The following IMMP2L variants were observed in gnomAD, a reference collection of about 807,000 sequenced individuals.
The protein encoded by IMMP2L is inner mitochondrial membrane peptidase subunit 2.
In IMMP2L, 18 loss-of-function variants were observed where a neutral mutation model predicts 19.3. The observed-to-expected ratio is 0.93, with a 90% CI of 0.64 to 1.38. The LOEUF is 1.38. Among genes scored for constraint, IMMP2L ranks in the 40% most tolerant of loss-of-function variants. The pLI, the probability that IMMP2L is intolerant of heterozygous loss-of-function variation, is 0.00. For synonymous variants in IMMP2L, 76 were observed against 73.0 expected (o/e 1.04, Z -0.21); for missense variants, 233 against 218.2 (o/e 1.07, Z -0.43).
intron 3 of IMMP2L, among the ~76,000 whole-genome samples, chr7:111,128,290 TTTTC>T (rs1801511054): frequency 6.6e-6 from 1 of 152,210 alleles, no homozygotes; most frequent in Non-Finnish European, 1.5e-5. Context: ...TTCTGGTTTA[TTTTC>T]TTTATCAGTG....
At chr7:111,327,110 T>C (rs1825398608) in intron 3 of IMMP2L, among the ~76,000 whole-genome samples, 1 of 151,744 alleles carries the variant, frequency 6.6e-6, no homozygotes, top group Non-Finnish European at 1.5e-5. Flanking sequence ...TGGAAAACAC[T>C]GTGCTACATG....
chr7:111,104,750 G>A (rs1798356708), intron 3 of IMMP2L, among the ~76,000 whole-genome samples: 1 of 151,804 alleles, frequency 6.6e-6, no homozygotes, highest in Non-Finnish European at 1.5e-5. Flanking sequence ...TTCACAATAA[G>A]CTGTAAGCTA....
intron 5 of IMMP2L, among the ~76,000 whole-genome samples, chr7:110,842,075 T>C (rs566739799): frequency 6.6e-6 from 1 of 152,220 alleles, no homozygotes; most frequent in Admixed American, 6.5e-5. Context: ...AATATTCTTA[T>C]CAATCTCAAG....
At chr7:110,834,759 A>G (rs1473597040) in intron 5 of IMMP2L, among the ~76,000 whole-genome samples, 1 of 152,190 alleles carries the variant, frequency 6.6e-6, no homozygotes, top group African/African-American at 2.4e-5. Context: ...TGACTTTTCT[A>G]CAAAGAGAAT....
chr7:111,068,349 T>G (rs62464055), intron 3 of IMMP2L, among the ~76,000 whole-genome samples: 11,825 of 152,232 alleles, frequency 0.078, 599 homozygotes, highest in Non-Finnish European at 0.11. Flanking sequence ...AAATATATTT[T>G]GTATAGAATA....
chr7:110,823,207 T>C (rs1286371339), intron 5 of IMMP2L, among the ~76,000 whole-genome samples: 1 of 152,104 alleles, frequency 6.6e-6, no homozygotes, highest in Non-Finnish European at 1.5e-5. Flanking sequence ...TTATTCAAAT[T>C]GAATTGACTT....
chr7:111,139,164 A>G (rs1320316354), intron 3 of IMMP2L, among the ~76,000 whole-genome samples: 1 of 152,092 alleles, frequency 6.6e-6, no homozygotes, highest in Non-Finnish European at 1.5e-5. Flanking sequence ...CCCTATTTAC[A>G]TTGTACAATG....
At chr7:111,413,923 A>C (rs1438373030) in intron 3 of IMMP2L, among the ~76,000 whole-genome samples, 1 of 151,748 alleles carries the variant, frequency 6.6e-6, no homozygotes. Flanking sequence ...TCAGCATCAC[A>C]AAGATACCCA....
intron 3 of IMMP2L, among the ~76,000 whole-genome samples, chr7:111,266,505 T>G: frequency 6.8e-6 from 1 of 148,028 alleles, no homozygotes; most frequent in East Asian, 2.0e-4. Context: ...ATCGCACTAT[T>G]GCACTCCAGC....
At chr7:110,881,841 A>G (rs1809674079) in intron 5 of IMMP2L, among the ~76,000 whole-genome samples, 1 of 152,222 alleles carries the variant, frequency 6.6e-6, no homozygotes, top group Admixed American at 6.5e-5. Context: ...CAAAACATAC[A>G]GCATCTAGAG....
At chr7:110,919,851 C>T (rs1563081299) in intron 4 of IMMP2L, among the ~76,000 whole-genome samples, 2 of 152,044 alleles carry the variant, frequency 1.3e-5, no homozygotes, top group Non-Finnish European at 2.9e-5. Context: ...ACAATTGAGT[C>T]GGTGGACTGG....
intron 3 of IMMP2L, 84 bp from the exon 4 acceptor site, chr7:110,963,649 C>A: frequency 1.3e-6 from 1 of 795,062 alleles, no homozygotes; most frequent in Admixed American, 2.7e-5. Context: ...ACAAAATAGG[C>A]TATATTAAAG....
intron 3 of IMMP2L, among the ~76,000 whole-genome samples, chr7:111,047,168 CTTTTTTGTTT>C (rs1436718732): frequency 1.0e-4 from 2 of 19,272 alleles, no homozygotes; most frequent in African/African-American, 1.7e-4. Context: ...TTCAAAATGT[CTTTTTTGTTT>C]TTTTTTTGTT....
chr7:111,173,691 C>T (rs1806707451), intron 3 of IMMP2L, among the ~76,000 whole-genome samples: 2 of 151,608 alleles, frequency 1.3e-5, no homozygotes, highest in Admixed American at 6.6e-5. Flanking sequence ...CCTAGTAAAA[C>T]AGCAGATATA....
intron 3 of IMMP2L, among the ~76,000 whole-genome samples, chr7:111,446,381 T>G (rs894781476): frequency 1.2e-4 from 18 of 146,474 alleles, no homozygotes; most frequent in Admixed American, 1.1e-3. Flanking sequence ...GACTGCCTCC[T>G]CAAGTGGGTC....
intron 3 of IMMP2L, among the ~76,000 whole-genome samples, chr7:111,430,584 C>G (rs937097988): frequency 8.1e-5 from 12 of 148,680 alleles, no homozygotes; most frequent in African/African-American, 2.7e-4. Flanking sequence ...AACCAAAATC[C>G]TTACTTAATT....
intron 5 of IMMP2L, among the ~76,000 whole-genome samples, chr7:110,794,918 C>T (rs1307724513): frequency 2.0e-5 from 3 of 151,672 alleles, no homozygotes; most frequent in African/African-American, 7.3e-5. Flanking sequence ...ACAAAGAATA[C>T]CTAAATGACT....
At chr7:111,124,714 T>A in intron 3 of IMMP2L, 1 of 1,613,956 alleles carries the variant, frequency 6.2e-7, no homozygotes, top group Non-Finnish European at 8.5e-7. Context: ...TCTTATCAGC[T>A]GCCTCTCTCC....
chr7:111,124,133 T>C (rs1252451609), intron 3 of IMMP2L: 4 of 1,614,012 alleles, frequency 2.5e-6, no homozygotes, highest in Non-Finnish European at 3.4e-6. Context: ...CAGCCTGAAA[T>C]CTACTGGATA....
Sources: allele counts gnomAD v4.1 joint callset (sites outside exome capture counted in the v4.1 genomes callset), GRCh38; gene constraint gnomAD v4.1.1; transcripts MANE v1.5; gene names NCBI Gene and HGNC (gene_info 2026-07-23, HGNC 2026-07-21).